JAM3: variants seen among roughly 807,000 people sequenced by gnomAD.
JAM3 encodes junctional adhesion molecule C.
In JAM3, 31 loss-of-function variants were observed where a neutral mutation model predicts 39.4. The observed-to-expected ratio is 0.79, with a 90% confidence interval of 0.59 to 1.06. The LOEUF (loss-of-function observed/expected upper bound fraction) is 1.06. JAM3 is among the 50% of genes least tolerant of loss of function. The pLI is 0.00. For missense variants in JAM3, 455 were observed against 391.4 expected, an observed-to-expected ratio of 1.16 and a Z score of -1.37; for synonymous variants, 182 against 148.7, an observed-to-expected ratio of 1.22 and a Z score of -1.63.
intron 1 of JAM3, among the ~76,000 whole-genome samples, chr11:134,100,294 C>T (rs1942050882): frequency 6.6e-6 from 1 of 152,176 alleles, no homozygotes; most frequent in Admixed American, 6.5e-5. Flanking sequence ...GGAACGATTG[C>T]TTTCTGCATA....
intron 1 of JAM3, among the ~76,000 whole-genome samples, chr11:134,125,703 G>C (rs983780537): frequency 6.6e-6 from 1 of 152,162 alleles, no homozygotes; most frequent in South Asian, 2.1e-4. Flanking sequence ...TGTGAGCCCC[G>C]ACAATACTCA....
At chr11:134,130,474 C>G (rs1386687408) in intron 1 of JAM3, among the ~76,000 whole-genome samples, 1 of 152,094 alleles carries the variant, frequency 6.6e-6, no homozygotes, top group Non-Finnish European at 1.5e-5. Context: ...GGCTAACTTA[C>G]AGTGATCTCA....
At chr11:134,094,638 T>C (rs1278476642) in intron 1 of JAM3, among the ~76,000 whole-genome samples, 1 of 64,492 alleles carries the variant, frequency 1.6e-5, no homozygotes, top group East Asian at 5.0e-4. Context: ...TCCTTATTCA[T>C]CATGTTCCAC....
At chr11:134,106,779 G>A (rs926764866) in intron 1 of JAM3, among the ~76,000 whole-genome samples, 1 of 152,162 alleles carries the variant, frequency 6.6e-6, no homozygotes, top group Non-Finnish European at 1.5e-5. Context: ...AAACCACAAT[G>A]AGATACCATC....
intron 3 of JAM3, among the ~76,000 whole-genome samples, chr11:134,141,623 C>T (rs1942973722): frequency 6.6e-6 from 1 of 151,928 alleles, no homozygotes; most frequent in African/African-American, 2.4e-5. Flanking sequence ...AGATTGGAGG[C>T]GGCACAACTC....
intron 1 of JAM3, among the ~76,000 whole-genome samples, chr11:134,133,358 G>A (rs149294506): frequency 9.9e-4 from 151 of 152,222 alleles, no homozygotes; most frequent in Non-Finnish European, 1.1e-3. Flanking sequence ...AGTGGGCATC[G>A]TTGTCTTGTT....
chr11:134,141,116 A>G (rs776083348), intron 3 of JAM3, among the ~76,000 whole-genome samples: 10 of 152,142 alleles, frequency 6.6e-5, no homozygotes, highest in Non-Finnish European at 1.5e-4. Context: ...AGTGAATGAG[A>G]AGGACCATAT....
At chr11:134,146,367 T>C (rs1333850955) in intron 6 of JAM3, among the ~76,000 whole-genome samples, 1 of 151,552 alleles carries the variant, frequency 6.6e-6, no homozygotes, top group Non-Finnish European at 1.5e-5. Context: ...TGGTGTCAGG[T>C]CTCCAGAAAT....
chr11:134,116,455 C>G (rs958458475), intron 1 of JAM3, among the ~76,000 whole-genome samples: 1 of 152,064 alleles, frequency 6.6e-6, no homozygotes, highest in Non-Finnish European at 1.5e-5. Flanking sequence ...GTATTGTATT[C>G]TTTGTATTAT....
rs1941912087 is a variant in JAM3, at chr11:134,093,419, C to T, written c.76+24260C>T. The stretch of plus-strand genomic sequence containing the variant: ...TCATGTTCCATCTTACATGTCACTC[C>T]CTGAGGGAAGCTTCTCCTGAAACCT... On this transcript the variant is annotated intron_variant, in intron 1 of 8. Transcript: ENST00000299106. Among the ~76,000 whole-genome samples the T allele has an allele frequency of 1.5e-5, 2 of 134,472 alleles. 1 individual carries two copies. Among genetic ancestry groups the T allele is most frequent in the African/African-American group, 5.7e-5 (2 of 34,976 alleles). The allele number at this position is 134,472 out of a possible 152,430, so 88.2% of individuals were successfully genotyped here.
In JAM3 at chr11:134,117,061, T is replaced by TA. The variant is rs201737643; in HGVS notation, c.77-22780dup. The stretch of plus-strand genomic sequence containing the variant: ...TACAACCAGGCATGAAAAAGAAACT[T>TA]AAAAAAAAAACAATCCACGGCCAGG... On this transcript the variant is annotated intron_variant, in intron 1 of 8. Transcript: ENST00000299106. Among the ~76,000 whole-genome samples, 986 of 148,140 alleles carry TA rather than the reference T, an allele frequency of 6.7e-3. 2 individuals carry two copies. Among genetic ancestry groups the TA allele is most frequent in the Middle Eastern group, 0.021 (6 of 284 alleles).
At chr11:134,096,860 G>A (rs1941994080) in intron 1 of JAM3, among the ~76,000 whole-genome samples, 1 of 152,092 alleles carries the variant, frequency 6.6e-6, no homozygotes, top group Non-Finnish European at 1.5e-5. Flanking sequence ...TCCTCAGTTT[G>A]TGCTTTCTCA....
chr11:134,135,962 TG>T (rs1942857477), intron 1 of JAM3, among the ~76,000 whole-genome samples: 2 of 151,780 alleles, frequency 1.3e-5, no homozygotes, highest in Admixed American at 1.3e-4. Context: ...CCCAGCTACT[TG>T]GGAGGCTGAG....
At chr11:134,075,875 A>T (rs963205879) in intron 1 of JAM3, among the ~76,000 whole-genome samples, 10 of 152,116 alleles carry the variant, frequency 6.6e-5, no homozygotes, top group African/African-American at 2.4e-4. Flanking sequence ...ACTGCAATTA[A>T]ACATGTTTAG....
chr11:134,113,881 A>C (rs1432515213), intron 1 of JAM3, among the ~76,000 whole-genome samples: 6 of 152,110 alleles, frequency 3.9e-5, no homozygotes, highest in Non-Finnish European at 7.4e-5. Flanking sequence ...TAATGATCGC[A>C]ATTCTAACTG....
chr11:134,092,652 C>G (rs1180673352), intron 1 of JAM3, among the ~76,000 whole-genome samples: 1 of 132,226 alleles, frequency 7.6e-6, no homozygotes, highest in African/African-American at 2.9e-5. Context: ...CATGTTCCAT[C>G]TTACATGTCA....
At chr11:134,126,324 G>C (rs1942647900) in intron 1 of JAM3, 1 of 152,214 alleles carries the variant, frequency 6.6e-6, no homozygotes, top group African/African-American at 2.4e-5. Context: ...TTCAGAGGTG[G>C]TGACTCATAT....
At position 134,131,250 on chromosome 11, in the gene JAM3, GGTT is replaced by G. The variant is rs946011118; in HGVS notation, c.77-8595_77-8593del. Among the ~76,000 whole-genome samples the G allele has an allele frequency of 4.1e-5, 6 of 146,658 alleles. No homozygotes were observed. In the South Asian group the frequency reaches 6.5e-4, roughly 16 times the overall value. On this transcript the variant is annotated intron_variant, in intron 1 of 8. Coordinates refer to ENST00000299106, the MANE Select transcript of JAM3 (RefSeq NM_032801.5). ...CTCTTTTTTGGGGGGGCGGGGGGGTGGTTGTTGTAGTGTTTGTTTATTTCAGCT... is the reference window on the plus strand; with the variant it reads ...CTCTTTTTTGGGGGGGCGGGGGGGTGGTTGTAGTGTTTGTTTATTTCAGCT...
intron 8 of JAM3, 132 bp downstream of exon 8, chr11:134,148,950 A>C (rs1413086541): frequency 2.2e-6 from 2 of 898,028 alleles, no homozygotes; most frequent in Non-Finnish European, 3.5e-6. Flanking sequence ...CAGCCCCTTC[A>C]CAGTAACACA....
Sources: allele counts gnomAD v4.1 joint callset (sites outside exome capture counted in the v4.1 genomes callset), GRCh38; gene constraint gnomAD v4.1.1; transcripts MANE v1.5; gene names NCBI Gene and HGNC (gene_info 2026-07-23, HGNC 2026-07-21).